Variants in NAV3 observed in about 807,000 individuals in gnomAD.
NAV3 encodes neuron navigator 3.
Under a neutral mutation model 244.7 loss-of-function variants are expected in NAV3, and 87 were observed. The ratio of observed to expected loss-of-function variants is 0.36; its 90% CI spans 0.30 to 0.42. The LOEUF (loss-of-function observed/expected upper bound fraction) is 0.42. Ranked by LOEUF, NAV3 falls within the 20% of genes least tolerant of loss-of-function variation. NAV3 has a pLI of 1.00. For missense variants in NAV3, 2,663 were observed against 2,893.3 expected, an observed-to-expected ratio of 0.92 and a Z score of 1.83; for synonymous variants, 1,126 against 1,042.2, an observed-to-expected ratio of 1.08 and a Z score of -1.55.
intron 2 of NAV3, among the ~76,000 whole-genome samples, chr12:77,605,019 G>T (rs1480172654): frequency 6.6e-6 from 1 of 152,032 alleles, no homozygotes; most frequent in Non-Finnish European, 1.5e-5. Flanking sequence ...AAATTATGAA[G>T]GATGGACTGA....
intron 2 of NAV3, among the ~76,000 whole-genome samples, chr12:77,735,183 T>A (rs1179217995): frequency 6.6e-6 from 1 of 152,086 alleles, no homozygotes; most frequent in African/African-American, 2.4e-5. Context: ...TAGGAAAGCA[T>A]GAAAATCTTG....
chr12:77,617,824 G>T (rs1057275378), intron 2 of NAV3, among the ~76,000 whole-genome samples: 1 of 152,200 alleles, frequency 6.6e-6, no homozygotes, highest in African/African-American at 2.4e-5. Flanking sequence ...TACCTCAGTA[G>T]TTTCACCAGT....
At chr12:77,949,346 G>T (rs1890660049) in intron 3 of NAV3, among the ~76,000 whole-genome samples, 1 of 151,984 alleles carries the variant, frequency 6.6e-6, no homozygotes, top group African/African-American at 2.4e-5. Context: ...GAGGCGATCT[G>T]TGTCCTTTAT....
In NAV3 at chr12:77,705,071, T is replaced by G. The variant is rs570381847; in HGVS notation, c.72+132805T>G. Among the ~76,000 whole-genome samples, 14 of 152,318 alleles carry G rather than the reference T, an allele frequency of 9.2e-5. No homozygotes were observed. The South Asian group carries it at 2.9e-3, about 32-fold the overall frequency. ...CTGAGAGAATATGTCTTTGTAACAT[T>G]CATGTATTGTATTAATCAAGACCCT... On this transcript the variant is annotated intron_variant, in intron 2 of 8. Coordinates refer to the NAV3 transcript ENST00000550042.
intron 2 of NAV3, among the ~76,000 whole-genome samples, chr12:77,686,293 A>G (rs1003354863): frequency 9.2e-5 from 14 of 152,092 alleles, no homozygotes; most frequent in South Asian, 2.1e-4. Context: ...GGGTTTCACC[A>G]TGTTGACCAG....
chr12:77,642,150 A>G (rs1872442441), intron 2 of NAV3, among the ~76,000 whole-genome samples: 1 of 152,086 alleles, frequency 6.6e-6, no homozygotes, highest in Non-Finnish European at 1.5e-5. Flanking sequence ...AGTACCTGAT[A>G]TGGCCCCCTT....
intron 2 of NAV3, among the ~76,000 whole-genome samples, chr12:77,630,616 ATTAAAGAC>A: frequency 6.6e-6 from 1 of 152,282 alleles, no homozygotes; most frequent in Middle Eastern, 3.4e-3. Flanking sequence ...TGTGAAATGC[ATTAAAGAC>A]GTGAAGGAAG....
At chr12:77,604,849 G>A (rs1870600725) in intron 2 of NAV3, among the ~76,000 whole-genome samples, 2 of 152,026 alleles carry the variant, frequency 1.3e-5, no homozygotes, top group African/African-American at 4.8e-5. Context: ...GCATAGAACT[G>A]TACTTTTGTG....
intron 9 of NAV3, among the ~76,000 whole-genome samples, chr12:78,043,411 T>A (rs1276642533): frequency 6.6e-6 from 1 of 152,232 alleles, no homozygotes; most frequent in African/African-American, 2.4e-5. Flanking sequence ...TGTGTCTTTA[T>A]AATAGAATGA....
chr12:77,897,862 T>G (rs946912747), intron 1 of NAV3, among the ~76,000 whole-genome samples: 8 of 152,144 alleles, frequency 5.3e-5, no homozygotes, highest in African/African-American at 1.9e-4. Context: ...TTACCATGGA[T>G]TCTACTCTTG....
intron 2 of NAV3, among the ~76,000 whole-genome samples, chr12:77,688,435 A>T (rs1164054029): frequency 6.6e-6 from 1 of 151,992 alleles, no homozygotes; most frequent in Admixed American, 6.6e-5. Context: ...TACCATGAGG[A>T]TGAGGATAAG....
chr12:77,913,324 CTTATAGTAGT>C (rs1355535473), intron 1 of NAV3, among the ~76,000 whole-genome samples: 1 of 151,874 alleles, frequency 6.6e-6, no homozygotes, highest in Non-Finnish European at 1.5e-5. Context: ...ATATATTAAA[CTTATAGTAGT>C]TTATGAAAAA....
At chr12:77,616,946 A>AT (rs1469346855) in intron 2 of NAV3, among the ~76,000 whole-genome samples, 8 of 152,096 alleles carry the variant, frequency 5.3e-5, no homozygotes, top group Non-Finnish European at 1.0e-4. Context: ...TGGTTTCAAA[A>AT]TTTTTTGCAG....
Position 78,134,104 on chromosome 12 carries a change from A to ATCCTTTTGCATATGGTGATTG in NAV3, c.4442-3071_4442-3051dup, listed in dbSNP as rs529062188. Among the ~76,000 whole-genome samples, 926 of 152,274 alleles carry ATCCTTTTGCATATGGTGATTG rather than the reference A, an allele frequency of 6.1e-3. 10 individuals carry two copies. The highest frequency in any genetic ancestry group is 6.4e-3 in the Non-Finnish European group (433 of 68,014). ...ATCTAATATTCTCTAAATTCGATGG[A>ATCCTTTTGCATATGGTGATTG]TCCTTTTGCATATGGTGATTGTTAA... On this transcript the variant is annotated intron_variant, in intron 18 of 39. Coordinates refer to ENST00000397909, the MANE Select transcript of NAV3 (RefSeq NM_001024383.2).
At chr12:77,915,492 C>T (rs1391815199) in intron 1 of NAV3, among the ~76,000 whole-genome samples, 1 of 151,632 alleles carries the variant, frequency 6.6e-6, no homozygotes, top group African/African-American at 2.4e-5. Context: ...ACAGGCAAGC[C>T]AGGGATTTCC....
intron 23 of NAV3, among the ~76,000 whole-genome samples, chr12:78,163,222 G>T (rs1286724904): frequency 6.6e-6 from 1 of 151,852 alleles, no homozygotes; most frequent in Admixed American, 6.6e-5. Flanking sequence ...CATCAAAATT[G>T]TCATTTGATT....
At chr12:77,799,920 T>TGA (rs1871617627) in intron 2 of NAV3, among the ~76,000 whole-genome samples, 1 of 152,200 alleles carries the variant, frequency 6.6e-6, no homozygotes, top group Non-Finnish European at 1.5e-5. Flanking sequence ...CTGTAGTTTT[T>TGA]GATTCCCCAG....
intron 3 of NAV3, among the ~76,000 whole-genome samples, chr12:77,942,233 G>A (rs1269588997): frequency 6.6e-6 from 1 of 152,034 alleles, no homozygotes; most frequent in Non-Finnish European, 1.5e-5. Context: ...TTAGCCAGGT[G>A]TGGTGGCGCA....
Position 77,831,385 on chromosome 12 carries a change from A to G in NAV3, c.-77A>G, listed in dbSNP as rs1469482684. 1.4e-6 allele frequency: 2 copies of G among 1,413,434 alleles called. No homozygotes were observed. Among genetic ancestry groups the G allele is most frequent in the Non-Finnish European group, 1.9e-6 (2 of 1,060,644 alleles). The allele number at this position is 1,413,434 out of a possible 1,614,324, so 87.6% of individuals were successfully genotyped here. ...TTTTGTTTAAAGTATTTGTTCTGGAAATACTAAAGTTGGAGTCTACCAGAC... is the reference window on the plus strand; with the variant it reads ...TTTTGTTTAAAGTATTTGTTCTGGAGATACTAAAGTTGGAGTCTACCAGAC... On this transcript the variant is annotated 5_prime_UTR_variant, in exon 1 of 40. Coordinates refer to ENST00000397909, the MANE Select transcript of NAV3 (RefSeq NM_001024383.2).
Sources: gnomAD v4.1 joint callset for allele counts (sites outside exome capture counted in the v4.1 genomes callset) on GRCh38, gnomAD v4.1.1 for gene constraint, MANE v1.5 for transcripts, NCBI Gene and HGNC (gene_info 2026-07-23, HGNC 2026-07-21) for gene names.